The following ALK variants were observed in gnomAD, a reference collection of about 807,000 sequenced individuals.
ALK encodes ALK receptor tyrosine kinase.
ALK carries 74 observed loss-of-function variants against 163.1 expected under a neutral mutation model. The ratio of observed to expected loss-of-function variants is 0.45; its 90% CI spans 0.38 to 0.55. The LOEUF (loss-of-function observed/expected upper bound fraction) is 0.55, where lower values mean the gene tolerates loss of function less well. Ranked by LOEUF, ALK falls within the 20% of genes least tolerant of loss-of-function variation. ALK has a pLI of 0.00. For synonymous variants in ALK, 960 were observed against 843.2 expected (o/e 1.14, Z -2.40); for missense variants, 2,063 against 2,105.3 (o/e 0.98, Z 0.39).
intron 5 of ALK, among the ~76,000 whole-genome samples, chr2:29,345,517 GAGA>G (rs1281600353): frequency 6.6e-6 from 1 of 151,978 alleles, no homozygotes; most frequent in African/African-American, 2.4e-5. Flanking sequence ...TACTGCTGGT[GAGA>G]AGGTGAACTG....
intron 2 of ALK, among the ~76,000 whole-genome samples, chr2:29,708,918 C>G (rs905568632): frequency 3.9e-5 from 6 of 152,214 alleles, no homozygotes; most frequent in Non-Finnish European, 5.9e-5. Context: ...CCCAAATGGG[C>G]TGGTTCAAGT....
intron 1 of ALK, among the ~76,000 whole-genome samples, chr2:29,718,836 G>T (rs1406353535): frequency 6.6e-6 from 1 of 152,202 alleles, no homozygotes; most frequent in Non-Finnish European, 1.5e-5. Context: ...CACTTGGAGG[G>T]ACTTTGTGAA....
chr2:29,280,299 G>C (rs1283183192), intron 9 of ALK, among the ~76,000 whole-genome samples: 1 of 151,824 alleles, frequency 6.6e-6, no homozygotes, highest in African/African-American at 2.4e-5. Context: ...GAAAGTTTTA[G>C]TATGTACCAT....
At position 29,636,074 on chromosome 2, in the gene ALK, G is replaced by T. The variant is rs1401689683; in HGVS notation, c.952+58776C>A. Among the ~76,000 whole-genome samples the T allele has an allele frequency of 2.0e-5, 3 of 152,122 alleles. No homozygotes were observed. The East Asian group carries it at 5.8e-4, about 29-fold the overall frequency. On this transcript the variant is annotated intron_variant, in intron 3 of 28. Transcript: ENST00000389048. ...GAACTAGAATAGCTAAAATACTTCT[G>T]AAAAAGAAGAATAAAGTGGGAAGAA...
chr2:29,449,635 G>T (rs1457141179), intron 4 of ALK, among the ~76,000 whole-genome samples: 4 of 152,228 alleles, frequency 2.6e-5, no homozygotes, highest in East Asian at 1.9e-4. Context: ...GCCCCCAAGG[G>T]TCTGTCTGTA....
In ALK at chr2:29,665,756, G is replaced by C. The variant is rs1195525758; in HGVS notation, c.952+29094C>G. On this transcript the variant is annotated intron_variant, in intron 3 of 28. Transcript: ENST00000389048. ...ACTTGATATTGTTTGCTTCAACAGG[G>C]CTTCCCCTGGGACCCAGAATGAGTT... Among the ~76,000 whole-genome samples the C allele has an allele frequency of 3.3e-5, 5 of 152,054 alleles. No homozygotes were observed. The South Asian group carries it at 1.0e-3, about 32-fold the overall frequency.
intron 1 of ALK, among the ~76,000 whole-genome samples, chr2:29,752,627 C>T (rs990281714): frequency 6.6e-6 from 1 of 152,078 alleles, no homozygotes; most frequent in Non-Finnish European, 1.5e-5. Context: ...GGATTACAGG[C>T]GTGAGCCACC....
intron 3 of ALK, among the ~76,000 whole-genome samples, chr2:29,641,788 G>A (rs1483383534): frequency 5.3e-5 from 8 of 152,074 alleles, no homozygotes; most frequent in African/African-American, 1.7e-4. Context: ...TTCACTTAGG[G>A]CAGCAAAATG....
intron 1 of ALK, among the ~76,000 whole-genome samples, chr2:29,784,891 T>C (rs557312489): frequency 5.3e-5 from 8 of 152,178 alleles, no homozygotes; most frequent in South Asian, 2.1e-4. Flanking sequence ...TCTGCTTTAG[T>C]TTATAAAGCA....
At chr2:29,587,476 GT>G (rs998117247) in intron 3 of ALK, among the ~76,000 whole-genome samples, 1 of 152,152 alleles carries the variant, frequency 6.6e-6, no homozygotes, top group Admixed American at 6.5e-5. Context: ...CAAAATTTTT[GT>G]TTTCCCCCCT....
intron 4 of ALK, among the ~76,000 whole-genome samples, chr2:29,404,658 C>T (rs1158233713): frequency 6.6e-6 from 1 of 152,126 alleles, no homozygotes; most frequent in Non-Finnish European, 1.5e-5. Context: ...GTATAGTGTG[C>T]GCCAGGCATT....
chr2:29,777,052 C>T (rs1304038081), intron 1 of ALK, among the ~76,000 whole-genome samples: 1 of 152,096 alleles, frequency 6.6e-6, no homozygotes, highest in African/African-American at 2.4e-5. Flanking sequence ...CATCTAGTCT[C>T]AAGAATGTGT....
intron 5 of ALK, among the ~76,000 whole-genome samples, chr2:29,344,857 G>A (rs1473708971): frequency 6.6e-6 from 1 of 152,176 alleles, no homozygotes; most frequent in Admixed American, 6.5e-5. Context: ...CAAAGAGTGG[G>A]TAAGAATTCT....
At chr2:29,374,951 C>A (rs956759929) in intron 5 of ALK, among the ~76,000 whole-genome samples, 6 of 152,152 alleles carry the variant, frequency 3.9e-5, no homozygotes, top group South Asian at 2.1e-4. Context: ...TAGAGCTCAC[C>A]ATTGCACGGC....
At chr2:29,232,163 C>T (rs1370369663) in intron 15 of ALK, 141 bp downstream of exon 15, 5 of 1,232,856 alleles carry the variant, frequency 4.1e-6, no homozygotes, top group African/African-American at 3.0e-5. Context: ...GCCCTCCCTC[C>T]CTGGATATCG....
intron 1 of ALK, among the ~76,000 whole-genome samples, chr2:29,910,404 T>C (rs889663409): frequency 6.6e-6 from 1 of 152,122 alleles, no homozygotes; most frequent in African/African-American, 2.4e-5. Context: ...ATAGCACAAT[T>C]GTAATTGAAT....
At chr2:29,689,807 G>A (rs993428374) in intron 3 of ALK, among the ~76,000 whole-genome samples, 6 of 152,190 alleles carry the variant, frequency 3.9e-5, no homozygotes, top group South Asian at 4.1e-4. Flanking sequence ...CACATGTCCC[G>A]TTAAGATACA....
intron 1 of ALK, among the ~76,000 whole-genome samples, chr2:29,828,322 C>T (rs551850133): frequency 6.6e-5 from 10 of 152,196 alleles, no homozygotes; most frequent in Admixed American, 4.6e-4. Context: ...CAAATGGGAT[C>T]GAATTAAACT....
chr2:29,465,270 C>T (rs1671182189), intron 4 of ALK, among the ~76,000 whole-genome samples: 1 of 152,042 alleles, frequency 6.6e-6, no homozygotes, highest in South Asian at 2.1e-4. Context: ...GACAATAGAG[C>T]AATATCTTTA....
Sources: allele counts gnomAD v4.1 joint callset (sites outside exome capture counted in the v4.1 genomes callset), GRCh38; gene constraint gnomAD v4.1.1; transcripts MANE v1.5; gene names NCBI Gene and HGNC (gene_info 2026-07-23, HGNC 2026-07-21).